FNDC3A: variants seen among roughly 807,000 people sequenced by gnomAD.
FNDC3A encodes the protein fibronectin type-III domain-containing protein 3A.
FNDC3A carries 32 observed loss-of-function variants against 148.9 expected under a neutral mutation model. The ratio of observed to expected loss-of-function variants is 0.21; its 90% confidence interval spans 0.16 to 0.29. FNDC3A has a LOEUF of 0.29. Among genes scored for constraint, FNDC3A ranks in the 10% least tolerant of loss-of-function variants. The probability of loss-of-function intolerance (pLI) is 1.00; values close to 1 mark genes in which losing one functional copy is unlikely to be tolerated. For missense variants in FNDC3A, 1,191 were observed against 1,452.8 expected (o/e 0.82, Z 2.93); for synonymous variants, 472 against 473.6 (o/e 1.00, Z 0.04).
chr13:49,189,819 T>A (rs1885789938), intron 17 of FNDC3A, among the ~76,000 whole-genome samples: 1 of 152,148 alleles, frequency 6.6e-6, no homozygotes, highest in Admixed American at 6.5e-5. Context: ...GACCAAATAT[T>A]TTGTGTTTAA....
chr13:49,054,210 A>G (rs560347408), intron 2 of FNDC3A, among the ~76,000 whole-genome samples: 14 of 152,284 alleles, frequency 9.2e-5, no homozygotes, highest in African/African-American at 3.4e-4. Flanking sequence ...GGCACTTAGA[A>G]TTTTATTTTT....
intron 2 of FNDC3A, among the ~76,000 whole-genome samples, chr13:49,010,963 T>G (rs1952330187): frequency 6.6e-6 from 1 of 152,216 alleles, no homozygotes; most frequent in Non-Finnish European, 1.5e-5. Flanking sequence ...CTCCTTACTG[T>G]TGTTGAAATT....
intron 8 of FNDC3A, among the ~76,000 whole-genome samples, chr13:49,153,229 T>C (rs897885259): frequency 1.3e-5 from 2 of 151,134 alleles, no homozygotes; most frequent in Admixed American, 1.3e-4. Context: ...TGTGAGATGG[T>C]ATCTCATTGT....
At position 49,187,030 on chromosome 13, in the gene FNDC3A, A is replaced by T. The variant is rs528494748; in HGVS notation, c.1757-92A>T. 41 of 827,422 alleles carry T rather than the reference A, an allele frequency of 5.0e-5. No homozygotes were observed. Among genetic ancestry groups the T allele is most frequent in the East Asian group, 1.6e-4 (6 of 37,976 alleles). 51.3% of individuals were successfully genotyped at this position (827,422 alleles called of 1,614,324 possible). A position where few individuals can be genotyped will look rare whatever the true frequency, so the allele number is the denominator to read the frequency against. ...TCATTGCAGGTGATTTTTTTTTTTT[A>T]AACCTAGTTTGGTATTCTGTTTATT... On this transcript the variant is annotated intron_variant, in intron 15 of 25. Coordinates refer to ENST00000492622, the MANE Select transcript of FNDC3A (RefSeq NM_001079673.2).
chr13:49,114,785 T>C, intron 4 of FNDC3A, 54 bp downstream of exon 4: 1 of 1,197,382 alleles, frequency 8.4e-7, no homozygotes, highest in South Asian at 1.2e-5. Flanking sequence ...GATAATGTTA[T>C]TCTCTTTGAC....
chr13:49,032,322 G>A (rs956017221), intron 2 of FNDC3A, among the ~76,000 whole-genome samples: 1 of 152,014 alleles, frequency 6.6e-6, no homozygotes, highest in African/African-American at 2.4e-5. Context: ...ATATGTCCAT[G>A]TAAAAAAATG....
At chr13:49,021,082 A>C (rs1365745597) in intron 2 of FNDC3A, among the ~76,000 whole-genome samples, 1 of 152,228 alleles carries the variant, frequency 6.6e-6, no homozygotes, top group South Asian at 2.1e-4. Flanking sequence ...AATGTTAGTA[A>C]TTTCTGATAT....
chr13:49,184,997 A>G (rs1593721713), intron 14 of FNDC3A, among the ~76,000 whole-genome samples: 1 of 152,168 alleles, frequency 6.6e-6, no homozygotes, highest in East Asian at 1.9e-4. Flanking sequence ...CGTCAGCAGT[A>G]CCAAGATTTT....
intron 2 of FNDC3A, among the ~76,000 whole-genome samples, chr13:49,071,725 T>TA (rs1566231437): frequency 1.0e-5 from 1 of 98,078 alleles, no homozygotes; most frequent in East Asian, 2.6e-4. Context: ...TCTGATTATT[T>TA]GGTTTTTTTT....
At chr13:49,126,726 T>C (rs2137912520) in intron 4 of FNDC3A, among the ~76,000 whole-genome samples, 1 of 152,326 alleles carries the variant, frequency 6.6e-6, no homozygotes, top group South Asian at 2.1e-4. Flanking sequence ...AACATCTCTA[T>C]GTCTCAGTTT....
At chr13:49,017,855 T>G (rs1872937677) in intron 2 of FNDC3A, among the ~76,000 whole-genome samples, 1 of 152,138 alleles carries the variant, frequency 6.6e-6, no homozygotes, top group African/African-American at 2.4e-5. Flanking sequence ...TCTCCTTCAC[T>G]TACGAAGCTT....
chr13:49,101,428 A>G lies in FNDC3A; in HGVS notation c.176-13227A>G, dbSNP rs116358761. On this transcript the variant is annotated intron_variant, in intron 3 of 25. Coordinates refer to ENST00000492622, the MANE Select transcript of FNDC3A (RefSeq NM_001079673.2). ...TGAAATATCAGATAAAAATAGGTAG[A>G]AGAGTACAAGAGTGTACCTCACATC... 1.2e-4 allele frequency among the ~76,000 whole-genome samples: 18 copies of G among 152,266 alleles called. No homozygotes were observed. In the South Asian group the frequency reaches 3.7e-3, roughly 32 times the overall value.
At chr13:49,104,945 TG>T (rs1328165681) in intron 3 of FNDC3A, among the ~76,000 whole-genome samples, 2 of 152,210 alleles carry the variant, frequency 1.3e-5, no homozygotes, top group African/African-American at 4.8e-5. Context: ...TCAGTAAATT[TG>T]ACTCCATTAC....
At chr13:49,204,455 CTAT>C (rs1487545611) in intron 25 of FNDC3A, among the ~76,000 whole-genome samples, 2 of 152,110 alleles carry the variant, frequency 1.3e-5, no homozygotes, top group Non-Finnish European at 2.9e-5. Context: ...TGTAACCACT[CTAT>C]GTAATATCTT....
Position 49,187,153 on chromosome 13 carries a change from C to T in FNDC3A, c.1788C>T (p.Ile596=). ...CAAAAGACAATGGCGGAGCAACCAT[C>T]AATAAATATGTAGTGGAGATGGCAG... is the stretch of plus-strand genomic sequence containing the variant. The part of the protein sequence containing the change: ...DPPKDNGGAT[I]NKYVVEMAEG... Residue 596 remains isoleucine (I), a synonymous_variant, in exon 16 of 26, where the codon ATC becomes ATT. Transcript: ENST00000492622. 1 of 1,612,758 alleles carries T rather than the reference C, an allele frequency of 6.2e-7. No homozygotes were observed. Among genetic ancestry groups the T allele is most frequent in the South Asian group, 1.1e-5 (1 of 91,012 alleles).
intron 2 of FNDC3A, among the ~76,000 whole-genome samples, chr13:49,016,439 C>CAG (rs1872784872): frequency 1.3e-5 from 2 of 151,946 alleles, no homozygotes; most frequent in East Asian, 1.9e-4. Context: ...TCTGTGGGAT[C>CAG]TGGTGATATC....
At chr13:49,076,911 TAC>T (rs917304954) in intron 3 of FNDC3A, among the ~76,000 whole-genome samples, 3 of 152,244 alleles carry the variant, frequency 2.0e-5, no homozygotes, top group African/African-American at 7.2e-5. Context: ...TACCATTTCT[TAC>T]ATTTCTTTGT....
At chr13:49,118,605 G>T (rs1881121870) in intron 4 of FNDC3A, among the ~76,000 whole-genome samples, 1 of 152,220 alleles carries the variant, frequency 6.6e-6, no homozygotes, top group African/African-American at 2.4e-5. Flanking sequence ...AGATCCACTG[G>T]CTTGAAATTC....
chr13:49,129,708 G>GC (rs1330121987), intron 4 of FNDC3A, among the ~76,000 whole-genome samples: 1 of 152,124 alleles, frequency 6.6e-6, no homozygotes, highest in East Asian at 1.9e-4. Context: ...TGAAAACAAG[G>GC]CATTATGGTT....
Sources: gnomAD v4.1 joint callset for allele counts (sites outside exome capture counted in the v4.1 genomes callset) on GRCh38, gnomAD v4.1.1 for gene constraint, MANE v1.5 for transcripts, NCBI Gene and HGNC (gene_info 2026-07-23, HGNC 2026-07-21) for gene names.